The following TRIM33 variants were observed in gnomAD, a reference collection of about 807,000 sequenced individuals.
The protein encoded by TRIM33 is E3 ubiquitin-protein ligase TRIM33.
In TRIM33, 20 loss-of-function variants were observed where a neutral mutation model predicts 125.4. That is an observed-to-expected ratio of 0.16 (90% CI 0.11 to 0.23). The LOEUF (loss-of-function observed/expected upper bound fraction) is 0.23. Among genes scored for constraint, TRIM33 ranks in the 10% least tolerant of loss-of-function variants. TRIM33 has a pLI of 1.00. For synonymous variants in TRIM33, 564 were observed against 513.9 expected, an observed-to-expected ratio of 1.10 and a Z score of -1.32; for missense variants, 920 against 1,411.4, an observed-to-expected ratio of 0.65 and a Z score of 5.58.
Position 114,510,858 on chromosome 1 carries a change from G to A in TRIM33, c.219C>T (p.Gly73=), listed in dbSNP as rs1308721872. 2.0e-6 allele frequency: 3 copies of A among 1,471,426 alleles called. No individual in the cohort carries two copies. The highest frequency in any genetic ancestry group is 2.7e-6 in the Non-Finnish European group (3 of 1,118,286). The allele number at this position is 1,471,426 out of a possible 1,614,324, so 91.1% of individuals were successfully genotyped here. Residue 73 remains glycine (G), a synonymous_variant, in exon 1 of 20, where the codon GGC becomes GGT. Transcript: ENST00000358465. ...CAGGAGATGAAGCAGCCTGGGCCGA[G>A]CCCGAGGAGGCCGCGGCCACCCCCC... is the stretch of plus-strand genomic sequence containing the variant. ...DDGGVAAASS[G]SAQAASSPAA... is the part of the protein sequence containing the mutation.
intron 8 of TRIM33, 151 bp from the exon 9 acceptor site, chr1:114,425,874 T>C: frequency 4.9e-6 from 3 of 615,300 alleles, no homozygotes; most frequent in East Asian, 2.7e-5. Context: ...TTAAAGATGA[T>C]GATGATGATC....
At chr1:114,430,673 C>G (rs1647889719) in intron 6 of TRIM33, 125 bp downstream of exon 6, 1 of 659,450 alleles carries the variant, frequency 1.5e-6, no homozygotes, top group African/African-American at 1.8e-5. Flanking sequence ...ATTTTAAAAA[C>G]CTTATTTTAC....
At chr1:114,443,868 T>TA (rs375504053) in intron 4 of TRIM33, among the ~76,000 whole-genome samples, 4,133 of 143,372 alleles carry the variant, frequency 0.029, 93 homozygotes, top group Non-Finnish European at 0.036. Context: ...CCCTGTTTCT[T>TA]AAAAAAAAAA....
intron 6 of TRIM33, among the ~76,000 whole-genome samples, chr1:114,429,828 C>T (rs1045625056): frequency 1.3e-5 from 2 of 152,022 alleles, no homozygotes; most frequent in South Asian, 2.1e-4. Context: ...AATCAGGAAA[C>T]ATTTCTCTTT....
At chr1:114,469,782 C>T (rs377622994) in intron 1 of TRIM33, among the ~76,000 whole-genome samples, 19 of 151,890 alleles carry the variant, frequency 1.3e-4, no homozygotes, top group African/African-American at 4.6e-4. Flanking sequence ...CCCACTCTTA[C>T]AAAAAACTTG....
chr1:114,429,501 T>C (rs980505407), intron 6 of TRIM33, among the ~76,000 whole-genome samples: 2 of 152,136 alleles, frequency 1.3e-5, no homozygotes, highest in African/African-American at 4.8e-5. Context: ...AAGAGTACTT[T>C]TAATCTCACA....
At chr1:114,423,054 C>G (rs1422514467) in intron 10 of TRIM33, among the ~76,000 whole-genome samples, 1 of 152,012 alleles carries the variant, frequency 6.6e-6, no homozygotes, top group Non-Finnish European at 1.5e-5. Flanking sequence ...ACATACATAA[C>G]CAGAAGCAGG....
rs1333068924 is a variant in TRIM33, at chr1:114,511,102, C to A, written c.-26G>T. ...GTTTTCCTCTTTGAACCCGCCGGAC[C>A]GCCCCGCGCCGCCCGCCGCCCGCGT... On this transcript the variant is annotated 5_prime_UTR_variant, in exon 1 of 20. Coordinates refer to ENST00000358465, the MANE Select transcript of TRIM33 (RefSeq NM_015906.4). The A allele has an allele frequency of 2.0e-5, 23 of 1,147,320 alleles. No individual in the cohort carries two copies. Among genetic ancestry groups the A allele is most frequent in the Non-Finnish European group, 2.1e-5 (20 of 937,140 alleles). 71.1% of individuals were successfully genotyped at this position (1,147,320 alleles called of 1,614,324 possible).
At chr1:114,449,082 T>C (rs1369077607) in intron 4 of TRIM33, among the ~76,000 whole-genome samples, 1 of 151,978 alleles carries the variant, frequency 6.6e-6, no homozygotes, top group African/African-American at 2.4e-5. Flanking sequence ...GGTTTTTAGA[T>C]GACAGCAGCA....
At chr1:114,460,009 C>A in intron 4 of TRIM33, 1 of 163,588 alleles carries the variant, frequency 6.1e-6, no homozygotes, top group South Asian at 1.6e-4. Context: ...TTCCCACATT[C>A]ATAGGAAGAT....
intron 10 of TRIM33, among the ~76,000 whole-genome samples, chr1:114,423,308 T>C (rs192680010): frequency 6.6e-6 from 1 of 152,262 alleles, no homozygotes; most frequent in East Asian, 1.9e-4. Flanking sequence ...TCTATATCTA[T>C]CAAATAAAGC....
intron 16 of TRIM33, 147 bp downstream of exon 16, chr1:114,402,611 CTT>C: frequency 1.1e-6 from 1 of 923,068 alleles, no homozygotes; most frequent in Non-Finnish European, 1.6e-6. Context: ...GAAAAAAAGA[CTT>C]CAGAAATCAT....
chr1:114,449,057 G>A (rs1649160599), intron 4 of TRIM33, among the ~76,000 whole-genome samples: 1 of 151,938 alleles, frequency 6.6e-6, no homozygotes, highest in Non-Finnish European at 1.5e-5. Context: ...GAGAGATGAA[G>A]GGGAATGACC....
intron 4 of TRIM33, among the ~76,000 whole-genome samples, chr1:114,435,877 C>CTTTT (rs34327766): frequency 0.012 from 901 of 73,062 alleles, 41 homozygotes; most frequent in African/African-American, 0.024. Context: ...TAGACACCCG[C>CTTTT]TTTTTTTTTT....
At chr1:114,451,852 T>C (rs917411884) in intron 4 of TRIM33, among the ~76,000 whole-genome samples, 1 of 152,170 alleles carries the variant, frequency 6.6e-6, no homozygotes, top group African/African-American at 2.4e-5. Context: ...GCAATTATTT[T>C]AATTTAAACA....
In TRIM33 at chr1:114,470,857, A is replaced by G. The variant is rs150457709; in HGVS notation, c.527-6469T>C. ...GCTCTATGGCCCAGGCTGGAGTGCA[A>G]TGGCATGAACACTGCTCGCTGAAGC... On this transcript the variant is annotated intron_variant, in intron 1 of 19. Coordinates refer to ENST00000358465, the MANE Select transcript of TRIM33 (RefSeq NM_015906.4). Among the ~76,000 whole-genome samples the G allele has an allele frequency of 7.0e-3, 1,064 of 152,280 alleles. 8 individuals are homozygous for G. Among genetic ancestry groups the G allele is most frequent in the African/African-American group, 0.016 (665 of 41,550 alleles).
intron 1 of TRIM33, among the ~76,000 whole-genome samples, chr1:114,490,479 A>G (rs185131896): frequency 6.6e-6 from 1 of 152,348 alleles, no homozygotes. Context: ...AACAGTTGGC[A>G]GATCCTCAAA....
At chr1:114,403,346 A>G (rs1018489592) in intron 15 of TRIM33, among the ~76,000 whole-genome samples, 2 of 152,184 alleles carry the variant, frequency 1.3e-5, no homozygotes, top group African/African-American at 4.8e-5. Context: ...ACACAAACAC[A>G]TACCTGCAGG....
intron 1 of TRIM33, among the ~76,000 whole-genome samples, chr1:114,500,675 G>A (rs1326510517): frequency 6.7e-6 from 1 of 150,190 alleles, no homozygotes; most frequent in Non-Finnish European, 1.5e-5. Flanking sequence ...CAAGGTATAC[G>A]TAGAGAGGGC....
Sources: gnomAD v4.1 joint callset for allele counts (sites outside exome capture counted in the v4.1 genomes callset) on GRCh38, gnomAD v4.1.1 for gene constraint, MANE v1.5 for transcripts, NCBI Gene and HGNC (gene_info 2026-07-23, HGNC 2026-07-21) for gene names.